The following MSRA variants were observed in gnomAD, a reference collection of about 807,000 sequenced individuals.
The protein encoded by MSRA is methionine sulfoxide reductase A.
In MSRA, 54 loss-of-function variants were observed where a neutral mutation model predicts 31.3. That is an observed-to-expected ratio of 1.73 (90% confidence interval 1.39 to 2.17). The LOEUF (loss-of-function observed/expected upper bound fraction) is 2.17, where lower values mean the gene tolerates loss of function less well. Among genes scored for constraint, MSRA ranks in the 30% most tolerant of loss-of-function variants. The probability of loss-of-function intolerance (pLI) is 0.00; values close to 1 mark genes in which losing one functional copy is unlikely to be tolerated. For synonymous variants in MSRA, 169 were observed against 116.5 expected (o/e 1.45, Z -2.90); for missense variants, 507 against 300.9 (o/e 1.69, Z -5.07).
At chr8:10,274,044 A>C (rs1013599307) in intron 3 of MSRA, among the ~76,000 whole-genome samples, 1 of 152,150 alleles carries the variant, frequency 6.6e-6, no homozygotes, top group African/African-American at 2.4e-5. Flanking sequence ...CTTCTTCCTC[A>C]TGTGTCCCTC....
chr8:10,221,609 C>A (rs1810508915), intron 2 of MSRA, among the ~76,000 whole-genome samples: 1 of 151,870 alleles, frequency 6.6e-6, no homozygotes, highest in Non-Finnish European at 1.5e-5. Flanking sequence ...TTTATTGCAA[C>A]AGGAAACAAA....
At chr8:10,095,449 T>C (rs1799088198) in intron 1 of MSRA, 4 of 984,954 alleles carry the variant, frequency 4.1e-6, no homozygotes, top group South Asian at 9.4e-5. Context: ...AATGTATTAA[T>C]TGATCCGCAA....
At chr8:10,410,518 A>G (rs1808091624) in intron 5 of MSRA, among the ~76,000 whole-genome samples, 1 of 152,228 alleles carries the variant, frequency 6.6e-6, no homozygotes, top group African/African-American at 2.4e-5. Flanking sequence ...GTATTATCTC[A>G]AATACATGAT....
At chr8:10,231,553 G>C (rs1811476002) in intron 2 of MSRA, among the ~76,000 whole-genome samples, 1 of 152,182 alleles carries the variant, frequency 6.6e-6, no homozygotes, top group East Asian at 1.9e-4. Context: ...CTCGATTTAA[G>C]TCATTCTCAG....
At chr8:10,093,837 G>A (rs893529181) in intron 1 of MSRA, among the ~76,000 whole-genome samples, 1 of 152,160 alleles carries the variant, frequency 6.6e-6, no homozygotes, top group Non-Finnish European at 1.5e-5. Context: ...TATTTGGAAT[G>A]TCTTAATGTC....
At chr8:10,344,837 C>T (rs1455365455) in intron 5 of MSRA, among the ~76,000 whole-genome samples, 1 of 152,164 alleles carries the variant, frequency 6.6e-6, no homozygotes, top group Non-Finnish European at 1.5e-5. Flanking sequence ...CATATTTATT[C>T]TTCCTTAGTG....
At chr8:10,280,566 G>C (rs932536493) in intron 3 of MSRA, among the ~76,000 whole-genome samples, 4 of 152,186 alleles carry the variant, frequency 2.6e-5, no homozygotes, top group African/African-American at 9.7e-5. Context: ...ATACACTGCT[G>C]GTATGAAGGG....
chr8:10,166,424 CTG>C (rs545821696), intron 1 of MSRA, among the ~76,000 whole-genome samples: 253 of 151,992 alleles, frequency 1.7e-3, no homozygotes, highest in African/African-American at 5.4e-3. Context: ...TTGCATATGT[CTG>C]TGCGTGTGTA....
intron 5 of MSRA, among the ~76,000 whole-genome samples, chr8:10,381,210 C>T (rs1274869422): frequency 6.6e-6 from 1 of 152,154 alleles, no homozygotes; most frequent in Non-Finnish European, 1.5e-5. Context: ...CCTTTTTCTT[C>T]TTCCCACCAC....
chr8:10,103,552 A>G (rs1169250263), intron 1 of MSRA, among the ~76,000 whole-genome samples: 1 of 152,202 alleles, frequency 6.6e-6, no homozygotes, highest in Admixed American at 6.5e-5. Context: ...TAAGTGAGAT[A>G]ATGTGCCTGA....
chr8:10,157,755 C>G (rs1027025590), intron 1 of MSRA, among the ~76,000 whole-genome samples: 4 of 152,068 alleles, frequency 2.6e-5, no homozygotes, highest in Non-Finnish European at 5.9e-5. Context: ...ATAGGCCTCT[C>G]TCCCCCTCTC....
chr8:10,161,944 G>A (rs1280466436), intron 1 of MSRA, among the ~76,000 whole-genome samples: 1 of 152,168 alleles, frequency 6.6e-6, no homozygotes, highest in African/African-American at 2.4e-5. Flanking sequence ...GGGTGGTCCG[G>A]AGGTCTGAAT....
chr8:10,426,027 C>T (rs1351626328), intron 5 of MSRA, among the ~76,000 whole-genome samples: 2 of 152,190 alleles, frequency 1.3e-5, no homozygotes, highest in African/African-American at 4.8e-5. Flanking sequence ...CAGAATATTC[C>T]ATTTCCACAG....
At chr8:10,202,335 A>C (rs549065660) in intron 1 of MSRA, among the ~76,000 whole-genome samples, 1 of 152,076 alleles carries the variant, frequency 6.6e-6, no homozygotes, top group Non-Finnish European at 1.5e-5. Context: ...AGAACTTGCT[A>C]TTTTCCCATT....
chr8:10,104,932 A>G (rs1239549868), intron 1 of MSRA, among the ~76,000 whole-genome samples: 1 of 152,166 alleles, frequency 6.6e-6, no homozygotes, highest in Non-Finnish European at 1.5e-5. Context: ...GTCTCACTGT[A>G]TCTTCACCAA....
intron 3 of MSRA, among the ~76,000 whole-genome samples, chr8:10,272,826 T>C (rs1799119338): frequency 6.6e-6 from 1 of 152,216 alleles, no homozygotes; most frequent in Non-Finnish European, 1.5e-5. Context: ...GACACTAGCC[T>C]AGGACCTGGC....
At chr8:10,133,142 A>T (rs79095982) in intron 1 of MSRA, among the ~76,000 whole-genome samples, 8 of 152,134 alleles carry the variant, frequency 5.3e-5, no homozygotes, top group African/African-American at 1.9e-4. Context: ...TTGATGAGGT[A>T]TATATTTCAA....
At chr8:10,057,372 A>C (rs1802434559) in intron 1 of MSRA, among the ~76,000 whole-genome samples, 1 of 152,274 alleles carries the variant, frequency 6.6e-6, no homozygotes, top group South Asian at 2.1e-4. Context: ...GGGAATTCAT[A>C]CTTGTTGAAG....
At chr8:10,158,640 C>T (rs1465755231) in intron 1 of MSRA, among the ~76,000 whole-genome samples, 9 of 152,166 alleles carry the variant, frequency 5.9e-5, no homozygotes, top group Admixed American at 3.3e-4. Flanking sequence ...AGTTGACAGA[C>T]ATTTGGGTTG....
Sources: allele counts gnomAD v4.1 joint callset (sites outside exome capture counted in the v4.1 genomes callset), GRCh38; gene constraint gnomAD v4.1.1; transcripts MANE v1.5; gene names NCBI Gene and HGNC (gene_info 2026-07-23, HGNC 2026-07-21).